The following DLGAP2 variants were observed in gnomAD, a reference collection of about 807,000 sequenced individuals.
DLGAP2 encodes disks large-associated protein 2.
DLGAP2 carries 26 observed loss-of-function variants against 100.3 expected under a neutral mutation model. The observed-to-expected ratio is 0.26, with a 90% CI of 0.19 to 0.36. The LOEUF is 0.36. DLGAP2 is among the 10% of genes least tolerant of loss of function. The probability of loss-of-function intolerance (pLI) is 1.00; values close to 1 mark genes in which losing one functional copy is unlikely to be tolerated. For missense variants in DLGAP2, 1,858 were observed against 1,453.2 expected, an observed-to-expected ratio of 1.28 and a Z score of -4.53; for synonymous variants, 886 against 630.1, an observed-to-expected ratio of 1.41 and a Z score of -6.08.
Position 1,505,000 on chromosome 8 carries a change from A to G in DLGAP2, c.172+3569A>G, listed in dbSNP as rs191795423. 1.1e-3 allele frequency among the ~76,000 whole-genome samples: 162 copies of G among 152,332 alleles called. 2 individuals carry two copies. Among genetic ancestry groups the G allele is most frequent in the African/African-American group, 2.9e-3 (121 of 41,584 alleles). On this transcript the variant is annotated intron_variant, in intron 4 of 14. Coordinates refer to ENST00000637795, the MANE Select transcript of DLGAP2 (RefSeq NM_001346810.2). ...AATTAAGAGAAAAAGCAAAAAACACAAAAAGAAAGGAAGGAAGAAGGAAGG... is the reference window on the plus strand; with the variant it reads ...AATTAAGAGAAAAAGCAAAAAACACGAAAAGAAAGGAAGGAAGAAGGAAGG...
At chr8:1,207,600 G>A (rs993227414) in intron 2 of DLGAP2, among the ~76,000 whole-genome samples, 2 of 152,208 alleles carry the variant, frequency 1.3e-5, no homozygotes, top group Non-Finnish European at 2.9e-5. Flanking sequence ...GGATTGCTGG[G>A]TCAAACAGTA....
intron 3 of DLGAP2, among the ~76,000 whole-genome samples, chr8:1,478,272 C>A (rs927899126): frequency 1.3e-5 from 2 of 152,206 alleles, no homozygotes; most frequent in Non-Finnish European, 2.9e-5. Flanking sequence ...TGGGTGCCAG[C>A]CCTCCTTCCC....
At chr8:1,315,973 C>G (rs925396200) in intron 3 of DLGAP2, among the ~76,000 whole-genome samples, 1 of 132,748 alleles carries the variant, frequency 7.5e-6, no homozygotes, top group Non-Finnish European at 1.6e-5. Context: ...AACTTCGCAG[C>G]TTTTAAAAAT....
intron 6 of DLGAP2, among the ~76,000 whole-genome samples, chr8:1,623,653 T>C (rs149859799): frequency 0.014 from 2,178 of 150,794 alleles, 26 homozygotes; most frequent in Middle Eastern, 0.086. Flanking sequence ...CACCAGTGTG[T>C]GATGACCTGA....
intron 3 of DLGAP2, among the ~76,000 whole-genome samples, chr8:1,443,203 T>C (rs1173926877): frequency 1.3e-5 from 2 of 152,166 alleles, no homozygotes; most frequent in African/African-American, 4.8e-5. Context: ...GATATTGACA[T>C]ATAATCCCAG....
chr8:1,526,098 A>G (rs755833182), intron 4 of DLGAP2, among the ~76,000 whole-genome samples: 4 of 151,378 alleles, frequency 2.6e-5, no homozygotes, highest in Non-Finnish European at 4.4e-5. Context: ...TAAGTTTCAG[A>G]TTTGGGAGTA....
rs550613671 is a variant in DLGAP2 at position 1,008,279 on chromosome 8, G to T, written c.73+100313G>T. Among the ~76,000 whole-genome samples the T allele has an allele frequency of 4.6e-5, 7 of 152,314 alleles. No individual in the cohort carries two copies. The South Asian group carries it at 1.4e-3, about 32-fold the overall frequency. ...CCATTTGAAAACTGGCTTGCCATTA[G>T]TTTCTATGAAGAAGTTAAAACATTT... On this transcript the variant is annotated intron_variant, in intron 2 of 14. Transcript: ENST00000637795.
intron 3 of DLGAP2, among the ~76,000 whole-genome samples, chr8:1,490,245 C>T (rs867600681): frequency 6.6e-6 from 1 of 152,230 alleles, no homozygotes; most frequent in Middle Eastern, 3.4e-3. Flanking sequence ...AAGTCATTTG[C>T]ACAATACCCA....
chr8:1,243,311 T>C (rs925668651), intron 2 of DLGAP2, among the ~76,000 whole-genome samples: 13 of 152,088 alleles, frequency 8.5e-5, no homozygotes, highest in African/African-American at 3.1e-4. Context: ...CTGGTGCAGC[T>C]CTGCTCTGCG....
At chr8:1,617,439 T>C (rs1395146985) in intron 6 of DLGAP2, among the ~76,000 whole-genome samples, 3 of 152,234 alleles carry the variant, frequency 2.0e-5, no homozygotes. Flanking sequence ...TGAGATACTA[T>C]CTTATTGGGG....
intron 3 of DLGAP2, among the ~76,000 whole-genome samples, chr8:1,278,219 T>C (rs1185804845): frequency 6.6e-6 from 1 of 152,174 alleles, no homozygotes; most frequent in Non-Finnish European, 1.5e-5. Flanking sequence ...AGCCACTCAC[T>C]CCCTTGGACT....
chr8:1,621,800 T>C (rs1256687345), intron 6 of DLGAP2: 1 of 152,068 alleles, frequency 6.6e-6, no homozygotes, highest in Non-Finnish European at 1.5e-5. Flanking sequence ...GTCAAGGGTA[T>C]GGCGTTTCCG....
At chr8:1,183,305 A>G (rs1240382217) in intron 2 of DLGAP2, among the ~76,000 whole-genome samples, 1 of 152,200 alleles carries the variant, frequency 6.6e-6, no homozygotes, top group African/African-American at 2.4e-5. Context: ...AATAAATAAA[A>G]TAACTACATG....
chr8:823,970 C>T (rs937318458), intron 1 of DLGAP2, among the ~76,000 whole-genome samples: 7 of 152,196 alleles, frequency 4.6e-5, no homozygotes, highest in Non-Finnish European at 1.0e-4. Flanking sequence ...GGGGAAGTTG[C>T]AATCACATTT....
At chr8:1,037,399 A>G (rs912052491) in intron 2 of DLGAP2, among the ~76,000 whole-genome samples, 3 of 152,010 alleles carry the variant, frequency 2.0e-5, no homozygotes, top group Non-Finnish European at 4.4e-5. Flanking sequence ...CGGTGTTATC[A>G]TTGACTCAGA....
At position 1,022,812 on chromosome 8, in the gene DLGAP2, C is replaced by T. The variant is rs1584985142; in HGVS notation, c.73+114846C>T. Among the ~76,000 whole-genome samples, 3 of 152,304 alleles carry T rather than the reference C, an allele frequency of 2.0e-5. No homozygotes were observed. The South Asian group carries it at 6.2e-4, about 32-fold the overall frequency. On this transcript the variant is annotated intron_variant, in intron 2 of 14. Coordinates refer to ENST00000637795, the MANE Select transcript of DLGAP2 (RefSeq NM_001346810.2). ...AGACACTCCAGCCGCCACCCATCCC[C>T]CCCGGGAGTGGATGGTTCCGTGCCG...
intron 2 of DLGAP2, among the ~76,000 whole-genome samples, chr8:1,202,912 G>C (rs768478983): frequency 6.6e-6 from 1 of 152,216 alleles, no homozygotes; most frequent in Admixed American, 6.5e-5. Context: ...CAAGGCGCAC[G>C]CATTTTTCAC....
chr8:1,062,531 C>T (rs1803116631), intron 2 of DLGAP2, among the ~76,000 whole-genome samples: 2 of 152,194 alleles, frequency 1.3e-5, no homozygotes, highest in South Asian at 2.1e-4. Context: ...GTACCTGGAA[C>T]GTCCACTTCC....
chr8:1,346,285 A>G (rs1458055794), intron 3 of DLGAP2, among the ~76,000 whole-genome samples: 2 of 149,878 alleles, frequency 1.3e-5, no homozygotes, highest in East Asian at 2.0e-4. Context: ...GAGTTCCCAT[A>G]CACATCTGCA....
Sources: gnomAD v4.1 joint callset for allele counts (sites outside exome capture counted in the v4.1 genomes callset) on GRCh38, gnomAD v4.1.1 for gene constraint, MANE v1.5 for transcripts, NCBI Gene and HGNC (gene_info 2026-07-23, HGNC 2026-07-21) for gene names.